Variants in ACVR1 observed in about 807,000 individuals in gnomAD.
The protein encoded by ACVR1 is activin A receptor type 1, also known as activin receptor type-1.
ACVR1 carries 38 observed loss-of-function variants against 57.1 expected under a neutral mutation model. The ratio of observed to expected loss-of-function variants is 0.67; its 90% CI spans 0.51 to 0.87. ACVR1 has a LOEUF of 0.87. Among genes scored for constraint, ACVR1 ranks in the 40% least tolerant of loss-of-function variants. The probability of loss-of-function intolerance (pLI) is 0.00; values close to 1 mark genes in which losing one functional copy is unlikely to be tolerated. For missense variants in ACVR1, 463 were observed against 638.2 expected, an observed-to-expected ratio of 0.73 and a Z score of 2.96; for synonymous variants, 212 against 228.1, an observed-to-expected ratio of 0.93 and a Z score of 0.63.
At chr2:157,765,724 T>C (rs1451749792) in intron 8 of ACVR1, among the ~76,000 whole-genome samples, 197 bp downstream of exon 8, 1 of 152,212 alleles carries the variant, frequency 6.6e-6, no homozygotes, top group Non-Finnish European at 1.5e-5. Context: ...GATGAATAAA[T>C]ACATAATAAT....
intron 2 of ACVR1, among the ~76,000 whole-genome samples, chr2:157,803,446 C>T (rs998860966): frequency 2.6e-5 from 4 of 151,942 alleles, no homozygotes; most frequent in Non-Finnish European, 4.4e-5. Flanking sequence ...AAAAACAGCA[C>T]CCCCAAAAGG....
Position 157,780,486 on chromosome 2 carries a change from T to A in ACVR1, c.182A>T (p.Asp61Val), listed in dbSNP as rs748590407. The change falls in exon 4 of 11, where the codon GAT becomes GTT. Residue 61 changes from aspartate to valine, a missense_variant. By Grantham distance (152) the Asp-to-Val change is radical (BLOSUM62 -3). Coordinates refer to ENST00000434821, the MANE Select transcript of ACVR1 (RefSeq NM_001111067.4). ...GCCTTTCTGGTAGACGTGGAAGCCATCGTTGATGCTCAGTGAGGAAAAGCA... is the reference window on the plus strand; with the variant it reads ...GCCTTTCTGGTAGACGTGGAAGCCAACGTTGATGCTCAGTGAGGAAAAGCA... ...QQCFSSLSIN[D>V]GFHVYQKGCF... The A allele has an allele frequency of 6.2e-7, 1 of 1,614,122 alleles. No homozygotes were observed. The highest frequency in any genetic ancestry group is 2.2e-5 in the East Asian group (1 of 44,876).
intron 1 of ACVR1, among the ~76,000 whole-genome samples, chr2:157,855,338 ACAC>A (rs1689492780): frequency 4.3e-5 from 6 of 139,326 alleles, no homozygotes; most frequent in African/African-American, 1.4e-4. Context: ...ACACACACAC[ACAC>A]ACACAAAAAT....
At chr2:157,768,356 A>T (rs184506287) in intron 7 of ACVR1, among the ~76,000 whole-genome samples, 1 of 152,278 alleles carries the variant, frequency 6.6e-6, no homozygotes, top group Non-Finnish European at 1.5e-5. Context: ...AAATAATACT[A>T]ATCTTTAATG....
intron 3 of ACVR1, among the ~76,000 whole-genome samples, chr2:157,794,189 C>T (rs934239659): frequency 6.6e-6 from 1 of 151,954 alleles, no homozygotes; most frequent in Non-Finnish European, 1.5e-5. Context: ...GTTCTGCCTT[C>T]ACCCTGGTGG....
rs1295042051 is a variant in ACVR1, at chr2:157,855,347, A to AC, written c.-183+20448_-183+20449insG. 7.9e-4 allele frequency among the ~76,000 whole-genome samples: 95 copies of AC among 119,818 alleles called. 1 individual carries two copies. Among genetic ancestry groups the AC allele is most frequent in the South Asian group, 2.8e-3 (10 of 3,570 alleles). The allele number at this position is 119,818 out of a possible 152,430, so 78.6% of individuals were successfully genotyped here. A position where few individuals can be genotyped will look rare whatever the true frequency, so the allele number is the denominator to read the frequency against. ...ATACACACACACACACACACACACA[A>AC]AAATTAGCCGGACGTGGTGGCTTTC... On this transcript the variant is annotated intron_variant, in intron 1 of 10. Transcript: ENST00000434821.
intron 9 of ACVR1, among the ~76,000 whole-genome samples, chr2:157,760,423 T>C (rs564069124): frequency 2.6e-5 from 4 of 152,274 alleles, no homozygotes; most frequent in East Asian, 3.9e-4. Flanking sequence ...GACAATAATA[T>C]ACTATGTATT....
Position 157,794,885 on chromosome 2 carries a change from C to CAA in ACVR1, c.67+4540_67+4541dup, listed in dbSNP as rs34984648. 1.2e-4 allele frequency among the ~76,000 whole-genome samples: 17 copies of CAA among 138,850 alleles called. No homozygotes were observed. The South Asian group carries it at 1.6e-3, about 13-fold the overall frequency. 91.1% of individuals were successfully genotyped at this position (138,850 alleles called of 152,430 possible). A position where few individuals can be genotyped will look rare whatever the true frequency, so the allele number is the denominator to read the frequency against. Reference sequence around the variant, plus strand: ...GTTCTGAAGTACACTCAAACTCTACCAAAAAAAAAAAAATCACTGTTTAGA... The same window carrying CAA: ...GTTCTGAAGTACACTCAAACTCTACCAAAAAAAAAAAAAAATCACTGTTTAGA... On this transcript the variant is annotated intron_variant, in intron 3 of 10. Coordinates refer to ENST00000434821, the MANE Select transcript of ACVR1 (RefSeq NM_001111067.4).
At chr2:157,811,016 C>T (rs1461873656) in intron 2 of ACVR1, among the ~76,000 whole-genome samples, 2 of 152,136 alleles carry the variant, frequency 1.3e-5, no homozygotes, top group Admixed American at 1.3e-4. Flanking sequence ...CTAGGAATCC[C>T]CCACCCTCCA....
intron 1 of ACVR1, among the ~76,000 whole-genome samples, chr2:157,864,390 T>C (rs913068540): frequency 1.3e-5 from 2 of 151,906 alleles, no homozygotes; most frequent in Non-Finnish European, 2.9e-5. Flanking sequence ...TTTAAAAAAA[T>C]TTTTGTAGAG....
At chr2:157,835,724 C>T (rs561892275) in intron 1 of ACVR1, among the ~76,000 whole-genome samples, 1 of 152,312 alleles carries the variant, frequency 6.6e-6, no homozygotes, top group African/African-American at 2.4e-5. Flanking sequence ...CTCTGCCCCA[C>T]AGTAGGGCTG....
intron 2 of ACVR1, among the ~76,000 whole-genome samples, chr2:157,808,334 T>C (rs533678132): frequency 1.3e-5 from 2 of 152,330 alleles, no homozygotes; most frequent in African/African-American, 4.8e-5. Context: ...TAGCCTTGGC[T>C]ACACTTTGGT....
chr2:157,781,765 TC>T (rs572242212), intron 3 of ACVR1, among the ~76,000 whole-genome samples: 148 of 152,338 alleles, frequency 9.7e-4, no homozygotes, highest in African/African-American at 2.9e-3. Context: ...TCTTTTCTCT[TC>T]CCTTGTCAGT....
At chr2:157,756,733 T>C (rs1007116523) in intron 9 of ACVR1, among the ~76,000 whole-genome samples, 3 of 151,886 alleles carry the variant, frequency 2.0e-5, no homozygotes, top group African/African-American at 2.4e-5. Flanking sequence ...ACAACCACTA[T>C]GGTAAACACT....
intron 1 of ACVR1, among the ~76,000 whole-genome samples, chr2:157,818,805 G>A (rs1224577274): frequency 1.3e-5 from 2 of 152,122 alleles, no homozygotes; most frequent in Non-Finnish European, 2.9e-5. Context: ...TCGGCCGGGC[G>A]CGGTGGCTCA....
chr2:157,785,355 T>G (rs887115248), intron 3 of ACVR1, among the ~76,000 whole-genome samples: 1 of 152,252 alleles, frequency 6.6e-6, no homozygotes, highest in Non-Finnish European at 1.5e-5. Flanking sequence ...ATATGAGGTT[T>G]ATAGATTATA....
intron 9 of ACVR1, among the ~76,000 whole-genome samples, chr2:157,750,361 G>C (rs1685136301): frequency 6.6e-6 from 1 of 152,216 alleles, no homozygotes; most frequent in Admixed American, 6.5e-5. Context: ...CAGGAGCAGA[G>C]GACCAGCATG....
chr2:157,757,004 G>A (rs1351307119), intron 9 of ACVR1, among the ~76,000 whole-genome samples: 3 of 131,810 alleles, frequency 2.3e-5, no homozygotes, highest in Non-Finnish European at 4.7e-5. Context: ...ATATATATTT[G>A]AGATATATAT....
At chr2:157,742,576 T>C (rs1684815625) in intron 9 of ACVR1, among the ~76,000 whole-genome samples, 1 of 152,218 alleles carries the variant, frequency 6.6e-6, no homozygotes, top group Non-Finnish European at 1.5e-5. Context: ...TTTCTCTTTT[T>C]TGGGGTAAGC....
Sources: allele counts gnomAD v4.1 joint callset (sites outside exome capture counted in the v4.1 genomes callset), GRCh38; gene constraint gnomAD v4.1.1; transcripts MANE v1.5; gene names NCBI Gene and HGNC (gene_info 2026-07-23, HGNC 2026-07-21).